PPM1K: variants seen among roughly 807,000 people sequenced by gnomAD.
PPM1K encodes the protein protein phosphatase Mn(2+)-dependent 1K.
PPM1K carries 19 observed loss-of-function variants against 32.6 expected under a neutral mutation model. That is an observed-to-expected ratio of 0.58 (90% CI 0.41 to 0.86). PPM1K has a LOEUF of 0.86. Among genes scored for constraint, PPM1K ranks in the 40% least tolerant of loss-of-function variants. PPM1K has a pLI of 0.00. For missense variants in PPM1K, 362 were observed against 461.2 expected (o/e 0.78, Z 1.97); for synonymous variants, 159 against 165.3 (o/e 0.96, Z 0.29).
chr4:88,276,221 T>C (rs1257402273), intron 3 of PPM1K: 3 of 985,328 alleles, frequency 3.0e-6, no homozygotes, highest in Admixed American at 6.1e-5. Context: ...TCTATCCTTA[T>C]GTATTCCAAC....
intron 2 of PPM1K, 90 bp from the exon 3 acceptor site, chr4:88,277,333 C>A: frequency 1.2e-6 from 1 of 829,172 alleles, no homozygotes; most frequent in Middle Eastern, 2.4e-4. Flanking sequence ...TCATTCCACA[C>A]AACGGGCCTC....
At chr4:88,277,542 C>T (rs1021310820) in intron 2 of PPM1K, 13 of 283,130 alleles carry the variant, frequency 4.6e-5, no homozygotes, top group Admixed American at 9.5e-5. Context: ...TCGTGGAATG[C>T]GGTATACACA....
At chr4:88,269,027 TTAAC>T in intron 3 of PPM1K, 121 bp from the exon 4 acceptor site, 1 of 823,594 alleles carries the variant, frequency 1.2e-6, no homozygotes. Context: ...TCATTCTAAT[TTAAC>T]TAGAGCTAAG....
At chr4:88,279,877 T>G (rs1731942014) in intron 1 of PPM1K, among the ~76,000 whole-genome samples, 1 of 152,106 alleles carries the variant, frequency 6.6e-6, no homozygotes, top group Non-Finnish European at 1.5e-5. Flanking sequence ...TATTTCACAA[T>G]AAAAAATGAA....
intron 3 of PPM1K, among the ~76,000 whole-genome samples, chr4:88,274,185 C>T (rs368543288): frequency 5.3e-5 from 8 of 152,194 alleles, no homozygotes; most frequent in African/African-American, 9.7e-5. Flanking sequence ...CTGAGCGGCA[C>T]GCCTCTCTTT....
At chr4:88,273,014 C>T (rs1731626512) in intron 3 of PPM1K, among the ~76,000 whole-genome samples, 1 of 152,204 alleles carries the variant, frequency 6.6e-6, no homozygotes, top group African/African-American at 2.4e-5. Flanking sequence ...AGAGCTCTCA[C>T]TAAGTGTAAC....
intron 5 of PPM1K, among the ~76,000 whole-genome samples, chr4:88,265,781 A>C (rs2110155382): frequency 6.6e-6 from 1 of 152,376 alleles, no homozygotes; most frequent in South Asian, 2.1e-4. Context: ...AGAGGTAATC[A>C]CGCCTAACAA....
Position 88,262,710 on chromosome 4 carries a change from G to C in PPM1K, c.1004C>G (p.Thr335Ser). Residue 335 changes from threonine (T) to serine (S), a missense_variant, in exon 7 of 7, where the codon ACT becomes AGT. Coordinates refer to ENST00000608933, the MANE Select transcript of PPM1K (RefSeq NM_152542.5). ...TACTACTGCAGTACTGTTATCCTCA[G>C]TACCGTACTGTATTGCCTGCAAGGT... ...AVTEQAIQYG[T>S]EDNSTAVVVP... 10 of 1,613,432 alleles carry C rather than the reference G, an allele frequency of 6.2e-6. No individual in the cohort carries two copies. Among genetic ancestry groups the C allele is most frequent in the Non-Finnish European group, 8.5e-6 (10 of 1,179,714 alleles).
chr4:88,265,533 G>C (rs1164164364), intron 5 of PPM1K, among the ~76,000 whole-genome samples: 3 of 152,126 alleles, frequency 2.0e-5, no homozygotes, highest in African/African-American at 7.2e-5. Flanking sequence ...GTGGAACTGT[G>C]AGCCCATTAA....
chr4:88,263,553 C>CT (rs1365101193), intron 6 of PPM1K, among the ~76,000 whole-genome samples: 1 of 152,144 alleles, frequency 6.6e-6, no homozygotes, highest in African/African-American at 2.4e-5. Context: ...ATCTTCCTAC[C>CT]TTAGCCTTCT....
chr4:88,268,494 G>A (rs899616963), intron 4 of PPM1K, among the ~76,000 whole-genome samples, 160 bp from the exon 5 acceptor site: 1 of 152,104 alleles, frequency 6.6e-6, no homozygotes, highest in African/African-American at 2.4e-5. Flanking sequence ...GTTGGCAGGC[G>A]CCTGTAGTCC....
chr4:88,268,537 TG>T (rs1731428767), intron 4 of PPM1K, among the ~76,000 whole-genome samples: 2 of 152,026 alleles, frequency 1.3e-5, no homozygotes, highest in South Asian at 4.1e-4. Context: ...AGGAGAATGG[TG>T]TGAACCCGGG....
At position 88,276,581 on chromosome 4, in the gene PPM1K, G is replaced by A. The variant is rs187361772; in HGVS notation, c.541+562C>T. 8.1e-6 allele frequency: 8 copies of A among 985,406 alleles called. No homozygotes were observed. The East Asian group carries it at 5.7e-4, about 70-fold the overall frequency. The allele number at this position is 985,406 out of a possible 1,614,324, so 61.0% of individuals were successfully genotyped here. Reference sequence around the variant, plus strand: ...ATGCTGAAAATATCACTAGTTACCAGAGAAAAGCTGCAAGATTGAGCTTTT... The same window carrying A: ...ATGCTGAAAATATCACTAGTTACCAAAGAAAAGCTGCAAGATTGAGCTTTT... On this transcript the variant is annotated intron_variant, in intron 3 of 6. Transcript: ENST00000608933.
chr4:88,264,135 C>T (rs1731224446), intron 6 of PPM1K, among the ~76,000 whole-genome samples: 1 of 152,178 alleles, frequency 6.6e-6, no homozygotes, highest in African/African-American at 2.4e-5. Context: ...CATGAATACC[C>T]TGTTTAGCAC....
intron 6 of PPM1K, among the ~76,000 whole-genome samples, chr4:88,264,161 C>T (rs1731225354): frequency 6.6e-6 from 1 of 152,042 alleles, no homozygotes; most frequent in Non-Finnish European, 1.5e-5. Flanking sequence ...AAGGCAGTAA[C>T]CAAATGAATA....
In PPM1K at chr4:88,259,725, C is replaced by T. The variant is rs2110149596; in HGVS notation, c.*2870G>A. The T allele has an allele frequency of 6.6e-6, 1 of 152,214 alleles. No homozygotes were observed. Among genetic ancestry groups the T allele is most frequent in the Non-Finnish European group, 1.5e-5 (1 of 68,002 alleles). 9.4% of individuals were successfully genotyped at this position (152,214 alleles called of 1,614,324 possible). The stretch of plus-strand genomic sequence containing the variant: ...ACCAATACAGTATGTTTTATGCTTA[C>T]TCAAAGTTAACTGGCTCAGAGTTTT... On this transcript the variant is annotated 3_prime_UTR_variant, in exon 7 of 7. Coordinates refer to ENST00000608933, the MANE Select transcript of PPM1K (RefSeq NM_152542.5).
At chr4:88,268,996 A>G (rs1333411486) in intron 3 of PPM1K, 90 bp from the exon 4 acceptor site, 11 of 1,090,712 alleles carry the variant, frequency 1.0e-5, no homozygotes, top group Non-Finnish European at 1.5e-5. Context: ...CACAAGCATG[A>G]TAAACTAATG....
In PPM1K at chr4:88,262,512, T is replaced by C. The variant is rs1375602888; in HGVS notation, c.*83A>G. 1.3e-6 allele frequency: 2 copies of C among 1,504,076 alleles called. No individual in the cohort carries two copies. Among genetic ancestry groups the C allele is most frequent in the African/African-American group, 1.4e-5 (1 of 72,108 alleles). 93.2% of individuals were successfully genotyped at this position (1,504,076 alleles called of 1,614,324 possible). On this transcript the variant is annotated 3_prime_UTR_variant, in exon 7 of 7. Transcript: ENST00000608933. ...TGACTTGTGCGCTGATCTAGTGAGT[T>C]AGGAGACCTTTTTGATCTTATCAGT...
At position 88,266,543 on chromosome 4, in the gene PPM1K, TTGAC is replaced by T. The variant is rs376153851; in HGVS notation, c.853-1412_853-1409del. The stretch of plus-strand genomic sequence containing the variant: ...GCTGATTGGGTGCAGGTGATGCTGA[TTGAC>T]TGCGTGCAGGTGATGCTAGCTGATT... On this transcript the variant is annotated intron_variant, in intron 5 of 6. Coordinates refer to ENST00000608933, the MANE Select transcript of PPM1K (RefSeq NM_152542.5). 6.3e-4 allele frequency among the ~76,000 whole-genome samples: 82 copies of T among 129,584 alleles called. No individual in the cohort carries two copies. In the South Asian group the frequency reaches 0.014, roughly 22 times the overall value. 85.0% of individuals were successfully genotyped at this position (129,584 alleles called of 152,430 possible). A position where few individuals can be genotyped will look rare whatever the true frequency, so the allele number is the denominator to read the frequency against.
Sources: gnomAD v4.1 joint callset for allele counts (sites outside exome capture counted in the v4.1 genomes callset) on GRCh38, gnomAD v4.1.1 for gene constraint, MANE v1.5 for transcripts, NCBI Gene and HGNC (gene_info 2026-07-23, HGNC 2026-07-21) for gene names.